MAP2K1: variants seen among roughly 807,000 people sequenced by gnomAD.
The protein encoded by MAP2K1 is mitogen-activated protein kinase kinase 1.
MAP2K1 carries 16 observed loss-of-function variants against 46.3 expected under a neutral mutation model. The observed-to-expected ratio is 0.35, with a 90% confidence interval of 0.23 to 0.52. The LOEUF (loss-of-function observed/expected upper bound fraction) is 0.52, where lower values mean the gene tolerates loss of function less well. Among genes scored for constraint, MAP2K1 ranks in the 20% least tolerant of loss-of-function variants. The pLI is 0.94. For missense variants in MAP2K1, 263 were observed against 497.1 expected (o/e 0.53, Z 4.48); for synonymous variants, 183 against 185.6 (o/e 0.99, Z 0.11).
intron 5 of MAP2K1, among the ~76,000 whole-genome samples, chr15:66,470,956 G>A (rs376472586): frequency 8.5e-5 from 13 of 152,250 alleles, no homozygotes; most frequent in Admixed American, 3.3e-4. Context: ...TGTTGGGAAC[G>A]GCAGGACAAC....
chr15:66,475,530 C>G (rs76623374), intron 5 of MAP2K1, among the ~76,000 whole-genome samples: 12,766 of 152,134 alleles, frequency 0.084, 516 homozygotes, highest in Non-Finnish European at 0.086. Context: ...CTTTCTCTTC[C>G]CCCAAGCCCC....
At chr15:66,439,618 T>C (rs780930422) in intron 3 of MAP2K1, among the ~76,000 whole-genome samples, 9 of 152,018 alleles carry the variant, frequency 5.9e-5, no homozygotes, top group Non-Finnish European at 1.0e-4. Context: ...AATGCAAAAT[T>C]AGCCAGGCGT....
intron 1 of MAP2K1, among the ~76,000 whole-genome samples, chr15:66,429,377 C>G (rs1298943969): frequency 6.6e-6 from 1 of 152,188 alleles, no homozygotes; most frequent in Non-Finnish European, 1.5e-5. Flanking sequence ...GTGGGGAAAA[C>G]TGCCCCCATG....
intron 1 of MAP2K1, among the ~76,000 whole-genome samples, chr15:66,405,582 A>G (rs1306748605): frequency 6.6e-6 from 1 of 152,170 alleles, no homozygotes; most frequent in Non-Finnish European, 1.5e-5. Context: ...TAATTAATCC[A>G]GTTTTTTGGA....
At chr15:66,412,971 C>CT (rs1274136070) in intron 1 of MAP2K1, among the ~76,000 whole-genome samples, 1 of 152,140 alleles carries the variant, frequency 6.6e-6, no homozygotes, top group Non-Finnish European at 1.5e-5. Flanking sequence ...TCTCGGCTCA[C>CT]TGCAACCTCC....
chr15:66,445,009 A>G lies in MAP2K1; in HGVS notation c.568+302A>G, dbSNP rs1172825097. 1.2e-5 allele frequency: 5 copies of G among 429,638 alleles called. No individual in the cohort carries two copies. The East Asian group carries it at 2.4e-4, about 20-fold the overall frequency. The allele number at this position is 429,638 out of a possible 1,614,324, so 26.6% of individuals were successfully genotyped here. ...CTCCGGTGTCACTATTCACTGGAAC[A>G]GTGAACAGTGCATGTGCATATGCCT... On this transcript the variant is annotated intron_variant, in intron 5 of 10. Coordinates refer to ENST00000307102, the MANE Select transcript of MAP2K1 (RefSeq NM_002755.4).
chr15:66,397,443 A>G (rs1219098127), intron 1 of MAP2K1, among the ~76,000 whole-genome samples: 1 of 152,264 alleles, frequency 6.6e-6, no homozygotes, highest in Non-Finnish European at 1.5e-5. Flanking sequence ...AATAACATAC[A>G]CGGAAGCACT....
chr15:66,464,376 G>A (rs1457014940), intron 5 of MAP2K1, among the ~76,000 whole-genome samples: 1 of 152,182 alleles, frequency 6.6e-6, no homozygotes, highest in African/African-American at 2.4e-5. Context: ...ACATCAGTAG[G>A]CAGGTATGAA....
At chr15:66,459,565 C>T (rs1892264239) in intron 5 of MAP2K1, among the ~76,000 whole-genome samples, 2 of 150,800 alleles carry the variant, frequency 1.3e-5, no homozygotes, top group South Asian at 4.2e-4. Context: ...TTGCAGTGAG[C>T]CAAGATCACA....
chr15:66,462,311 C>T (rs1892342448), intron 5 of MAP2K1, among the ~76,000 whole-genome samples: 1 of 151,908 alleles, frequency 6.6e-6, no homozygotes, highest in Non-Finnish European at 1.5e-5. Flanking sequence ...AGTAGCCTGG[C>T]CAACATGGTG....
At chr15:66,438,078 C>T (rs532996712) in intron 3 of MAP2K1, among the ~76,000 whole-genome samples, 2 of 142,416 alleles carry the variant, frequency 1.4e-5, no homozygotes, top group South Asian at 2.2e-4. Context: ...TTTTTTTCCC[C>T]TTTCTTTTTT....
At chr15:66,462,241 C>T (rs2140634602) in intron 5 of MAP2K1, among the ~76,000 whole-genome samples, 1 of 152,216 alleles carries the variant, frequency 6.6e-6, no homozygotes, top group Non-Finnish European at 1.5e-5. Flanking sequence ...GTGACTCACA[C>T]CTGTAATCCC....
chr15:66,430,072 C>T (rs2093471365), intron 1 of MAP2K1, among the ~76,000 whole-genome samples: 1 of 152,172 alleles, frequency 6.6e-6, no homozygotes. Flanking sequence ...AGGAAGGTAA[C>T]TTACCCAAGA....
At chr15:66,445,995 G>A (rs1460331202) in intron 5 of MAP2K1, among the ~76,000 whole-genome samples, 2 of 151,996 alleles carry the variant, frequency 1.3e-5, no homozygotes, top group South Asian at 2.1e-4. Flanking sequence ...AGGTCGAGGC[G>A]GGCAGATCAC....
intron 1 of MAP2K1, among the ~76,000 whole-genome samples, chr15:66,429,994 A>G (rs929907572): frequency 2.6e-5 from 4 of 152,134 alleles, no homozygotes; most frequent in African/African-American, 9.7e-5. Flanking sequence ...GAGATAGACA[A>G]CTTTTCCCTT....
chr15:66,428,854 A>G (rs1409343494), intron 1 of MAP2K1, among the ~76,000 whole-genome samples: 1 of 124,530 alleles, frequency 8.0e-6, no homozygotes, highest in African/African-American at 3.2e-5. Flanking sequence ...ATCTTGGCTT[A>G]CTGCGACCTC....
intron 5 of MAP2K1, among the ~76,000 whole-genome samples, chr15:66,466,825 T>G (rs1360960992): frequency 6.6e-6 from 1 of 152,182 alleles, no homozygotes; most frequent in African/African-American, 2.4e-5. Flanking sequence ...GTTCATGCAG[T>G]TAATTCCTGT....
intron 1 of MAP2K1, among the ~76,000 whole-genome samples, chr15:66,420,894 C>CACAT (rs201850452): frequency 3.7e-5 from 4 of 108,138 alleles, no homozygotes; most frequent in African/African-American, 1.0e-4. Context: ...TGTATATATA[C>CACAT]ACATACATAC....
chr15:66,390,791 C>T (rs977185519), intron 1 of MAP2K1, among the ~76,000 whole-genome samples: 3 of 152,052 alleles, frequency 2.0e-5, no homozygotes, highest in African/African-American at 7.2e-5. Context: ...TCCCCACCAC[C>T]CCCTCCCACC....
Sources: allele counts gnomAD v4.1 joint callset (sites outside exome capture counted in the v4.1 genomes callset), GRCh38; gene constraint gnomAD v4.1.1; transcripts MANE v1.5; gene names NCBI Gene and HGNC (gene_info 2026-07-23, HGNC 2026-07-21).